MCC: variants seen among roughly 807,000 people sequenced by gnomAD.
MCC encodes colorectal mutant cancer protein.
MCC carries 90 observed loss-of-function variants against 116.2 expected under a neutral mutation model. That is an observed-to-expected ratio of 0.77 (90% CI 0.65 to 0.92). The LOEUF is 0.92. Among genes scored for constraint, MCC ranks in the 40% least tolerant of loss-of-function variants. The pLI, the probability that MCC is intolerant of heterozygous loss-of-function variation, is 0.00. For synonymous variants in MCC, 578 were observed against 510.5 expected (o/e 1.13, Z -1.78); for missense variants, 1,516 against 1,312.2 (o/e 1.16, Z -2.40).
chr5:113,402,701 C>A (rs1021981464), intron 1 of MCC, among the ~76,000 whole-genome samples: 4 of 152,056 alleles, frequency 2.6e-5, no homozygotes, highest in African/African-American at 7.2e-5. Context: ...TATTATAGCA[C>A]AAGAAGCAAA....
chr5:113,211,728 A>G (rs185191295), intron 3 of MCC, among the ~76,000 whole-genome samples: 87 of 152,320 alleles, frequency 5.7e-4, no homozygotes, highest in Non-Finnish European at 1.0e-3. Flanking sequence ...CCTTTAACTC[A>G]TTATCTCAAC....
chr5:113,147,124 CATG>C (rs1759571296), intron 4 of MCC, among the ~76,000 whole-genome samples: 1 of 152,210 alleles, frequency 6.6e-6, no homozygotes, highest in Admixed American at 6.5e-5. Context: ...GCTTTCCTAT[CATG>C]ATGATGAAGC....
intron 3 of MCC, among the ~76,000 whole-genome samples, chr5:113,168,899 T>C (rs1271123344): frequency 6.6e-6 from 1 of 152,142 alleles, no homozygotes; most frequent in African/African-American, 2.4e-5. Context: ...AAGCAATAGC[T>C]TAGGCAGGCA....
intron 3 of MCC, among the ~76,000 whole-genome samples, chr5:113,212,404 A>G (rs1763166196): frequency 6.6e-6 from 1 of 152,156 alleles, no homozygotes; most frequent in East Asian, 1.9e-4. Flanking sequence ...ACTCCAGGAG[A>G]GGCCACAGAG....
intron 1 of MCC, among the ~76,000 whole-genome samples, chr5:113,481,056 C>T (rs960953631): frequency 3.0e-4 from 45 of 152,216 alleles, no homozygotes; most frequent in African/African-American, 9.4e-4. Flanking sequence ...GGATTACAGG[C>T]GTGAGCCATT....
intron 3 of MCC, among the ~76,000 whole-genome samples, chr5:113,293,477 C>T (rs1314739259): frequency 6.6e-6 from 1 of 152,190 alleles, no homozygotes; most frequent in Non-Finnish European, 1.5e-5. Flanking sequence ...GCTGTAGACA[C>T]TAAGCACACA....
chr5:113,106,086 G>A (rs916892146), intron 6 of MCC, among the ~76,000 whole-genome samples: 3 of 151,988 alleles, frequency 2.0e-5, no homozygotes, highest in Non-Finnish European at 2.9e-5. Context: ...ATCTGATCTT[G>A]CCTCACCCAT....
Position 113,027,142 on chromosome 5 carries a change from C to T in MCC, c.*160G>A, listed in dbSNP as rs891873668. ...AGTCCACAATGTCACCATGGCCAGT[C>T]GCCCCAAGGGTTGAGTTGGGGCACT... On this transcript the variant is annotated 3_prime_UTR_variant, in exon 19 of 19. Transcript: ENST00000408903. 3.0e-5 allele frequency: 20 copies of T among 670,814 alleles called. No individual in the cohort carries two copies. The highest frequency in any genetic ancestry group is 2.9e-4 in the African/African-American group (16 of 54,922). The allele number at this position is 670,814 out of a possible 1,614,324, so 41.6% of individuals were successfully genotyped here.
intron 2 of MCC, among the ~76,000 whole-genome samples, chr5:113,362,653 TAATTAGGTTGAGAC>T (rs1003450621): frequency 1.3e-5 from 2 of 152,178 alleles, no homozygotes; most frequent in African/African-American, 4.8e-5. Flanking sequence ...TGAGGCTATA[TAATTAGGTTGAGAC>T]AAATTTTAAA....
At chr5:113,455,517 G>A (rs547983077) in intron 1 of MCC, among the ~76,000 whole-genome samples, 6 of 152,294 alleles carry the variant, frequency 3.9e-5, no homozygotes, top group East Asian at 3.9e-4. Flanking sequence ...AGAGATGGAC[G>A]CCATGTCAAC....
intron 3 of MCC, among the ~76,000 whole-genome samples, chr5:113,219,344 G>A (rs1763452993): frequency 6.6e-6 from 1 of 152,172 alleles, no homozygotes. Flanking sequence ...CTTCCTGGGG[G>A]GCCCTGAACT....
chr5:113,184,472 G>GTTTTTTTTTTTTTTTTTTTTTTT, intron 3 of MCC, among the ~76,000 whole-genome samples: 1 of 123,800 alleles, frequency 8.1e-6, no homozygotes, highest in Non-Finnish European at 1.6e-5. Flanking sequence ...TTCTTTCTTC[G>GTTTTTTTTTTTTTTTTTTTTTTT]TTTTTTGTTT....
chr5:113,100,169 C>G (rs1406431752), intron 8 of MCC, among the ~76,000 whole-genome samples: 2 of 152,068 alleles, frequency 1.3e-5, no homozygotes, highest in African/African-American at 4.8e-5. Context: ...GTAGTAGTGC[C>G]AGCCTTTTAA....
At chr5:113,187,543 C>T (rs950466139) in intron 3 of MCC, among the ~76,000 whole-genome samples, 7 of 152,026 alleles carry the variant, frequency 4.6e-5, no homozygotes, top group African/African-American at 1.7e-4. Flanking sequence ...CAAACTTACC[C>T]TAGAAAAGAA....
chr5:113,454,086 G>A (rs958733754), intron 1 of MCC, among the ~76,000 whole-genome samples: 1 of 152,026 alleles, frequency 6.6e-6, no homozygotes, highest in Non-Finnish European at 1.5e-5. Context: ...ACTCCAGCCT[G>A]GGCAACAAGA....
Position 113,027,061 on chromosome 5 carries a change from C to A in MCC, c.*241G>T. 1 of 507,802 alleles carries A rather than the reference C, an allele frequency of 2.0e-6. No individual in the cohort carries two copies. Among genetic ancestry groups the A allele is most frequent in the South Asian group, 3.2e-5 (1 of 31,356 alleles). The allele number at this position is 507,802 out of a possible 1,614,324, so 31.5% of individuals were successfully genotyped here. A position where few individuals can be genotyped will look rare whatever the true frequency, so the allele number is the denominator to read the frequency against. On this transcript the variant is annotated 3_prime_UTR_variant, in exon 19 of 19. Transcript: ENST00000408903. ...GAGGCTCTGCTGAGCAGGCACAGAACATGTGTTTACACGCTGTTGTGGGCC... is the reference window on the plus strand; with the variant it reads ...GAGGCTCTGCTGAGCAGGCACAGAAAATGTGTTTACACGCTGTTGTGGGCC...
chr5:113,237,551 CAAG>C (rs1288120836), intron 3 of MCC, among the ~76,000 whole-genome samples: 1 of 152,066 alleles, frequency 6.6e-6, no homozygotes, highest in African/African-American at 2.4e-5. Context: ...TTATTTCTGC[CAAG>C]AAGGGTTACT....
At position 113,056,719 on chromosome 5, in the gene MCC, TTAAAA is replaced by T. The variant is rs567794251; in HGVS notation, c.2214-2765_2214-2761del. Among the ~76,000 whole-genome samples, 76 of 151,750 alleles carry T rather than the reference TTAAAA, an allele frequency of 5.0e-4. No individual in the cohort carries two copies. The South Asian group carries it at 5.4e-3, about 11-fold the overall frequency. On this transcript the variant is annotated intron_variant, in intron 14 of 18. Transcript: ENST00000408903. ...CAACCGTCCACATGTACCCCTGAAC[TTAAAA>T]TAAAAGTAAAAAAAAAATAGAAATG...
intron 1 of MCC, among the ~76,000 whole-genome samples, chr5:113,452,699 C>G (rs1382559857): frequency 6.6e-6 from 1 of 152,174 alleles, no homozygotes; most frequent in Non-Finnish European, 1.5e-5. Flanking sequence ...TAATGCCACA[C>G]CAGAAGGGCA....
Sources: gnomAD v4.1 joint callset for allele counts (sites outside exome capture counted in the v4.1 genomes callset) on GRCh38, gnomAD v4.1.1 for gene constraint, MANE v1.5 for transcripts, NCBI Gene and HGNC (gene_info 2026-07-23, HGNC 2026-07-21) for gene names.